Variants in RFX3 observed in about 807,000 individuals in gnomAD.
The protein encoded by RFX3 is regulatory factor X3, also known as transcription factor RFX3.
A neutral mutation model predicts 98.6 loss-of-function variants in RFX3; 14 were observed. The observed-to-expected ratio is 0.14, with a 90% CI of 0.09 to 0.22. RFX3 has a LOEUF of 0.22. RFX3 is among the 10% of genes least tolerant of loss of function. The pLI, the probability that RFX3 is intolerant of heterozygous loss-of-function variation, is 1.00. For synonymous variants in RFX3, 383 were observed against 328.4 expected (o/e 1.17, Z -1.80); for missense variants, 639 against 926.9 (o/e 0.69, Z 4.03).
intron 1 of RFX3, among the ~76,000 whole-genome samples, chr9:3,420,131 T>G (rs1843318263): frequency 6.6e-6 from 1 of 152,198 alleles, no homozygotes; most frequent in African/African-American, 2.4e-5. Context: ...CATCCTTCAG[T>G]GAGCCAGCGT....
chr9:3,500,782 G>T (rs1470375063), intron 1 of RFX3, among the ~76,000 whole-genome samples: 1 of 152,156 alleles, frequency 6.6e-6, no homozygotes, highest in Non-Finnish European at 1.5e-5. Context: ...GAGTATACTA[G>T]TCACAAGGCA....
chr9:3,484,030 C>T (rs1467248536), intron 1 of RFX3, among the ~76,000 whole-genome samples: 1 of 152,202 alleles, frequency 6.6e-6, no homozygotes, highest in East Asian at 1.9e-4. Context: ...GAATATAGGG[C>T]AGCAACTCAT....
At chr9:3,370,841 G>T (rs1165802628) in intron 2 of RFX3, among the ~76,000 whole-genome samples, 5 of 152,112 alleles carry the variant, frequency 3.3e-5, no homozygotes, top group African/African-American at 7.2e-5. Context: ...ATTGGTGCAT[G>T]TGTCTATGAT....
Position 3,219,757 on chromosome 9 carries a change from G to C in RFX3, c.*5285C>G, listed in dbSNP as rs988138461. ...GAAGAGAGTTAAATTAAAACCCTTT[G>C]AGTATTGCATGTTAACACATGAGTA... On this transcript the variant is annotated 3_prime_UTR_variant, in exon 17 of 17. Transcript: ENST00000617270. 1 of 152,146 alleles carries C rather than the reference G, an allele frequency of 6.6e-6. No homozygotes were observed. The highest frequency in any genetic ancestry group is 6.5e-5 in the Admixed American group (1 of 15,280). The allele number at this position is 152,146 out of a possible 1,614,324, so 9.4% of individuals were successfully genotyped here. A position where few individuals can be genotyped will look rare whatever the true frequency, so the allele number is the denominator to read the frequency against.
At position 3,334,938 on chromosome 9, in the gene RFX3, G is replaced by A. The variant is rs187363815; in HGVS notation, c.216-4421C>T. 3.9e-5 allele frequency among the ~76,000 whole-genome samples: 6 copies of A among 151,952 alleles called. No homozygotes were observed. The East Asian group carries it at 9.7e-4, about 25-fold the overall frequency. On this transcript the variant is annotated intron_variant, in intron 3 of 16. Transcript: ENST00000617270. ...AGTTCGAGACCAGCCTGGCAAACAC[G>A]GTGAAATTTGTCTTTACTAAAAAAA...
intron 1 of RFX3, among the ~76,000 whole-genome samples, chr9:3,415,151 ATATT>A (rs1842874551): frequency 7.2e-6 from 1 of 138,810 alleles, no homozygotes; most frequent in South Asian, 2.2e-4. Flanking sequence ...TATACTATAT[ATATT>A]CTTATATATA....
intron 1 of RFX3, among the ~76,000 whole-genome samples, chr9:3,465,517 T>G (rs1307877966): frequency 1.3e-5 from 2 of 148,756 alleles, no homozygotes; most frequent in Non-Finnish European, 3.0e-5. Flanking sequence ...TTAGCCAGCC[T>G]GGTCTTGAAC....
At chr9:3,294,952 T>G (rs1296722111) in intron 5 of RFX3, among the ~76,000 whole-genome samples, 2 of 152,112 alleles carry the variant, frequency 1.3e-5, no homozygotes, top group African/African-American at 4.8e-5. Flanking sequence ...AAAATAAACA[T>G]TTGTTTTTAC....
At chr9:3,284,747 A>G (rs909283183) in intron 7 of RFX3, among the ~76,000 whole-genome samples, 4 of 151,776 alleles carry the variant, frequency 2.6e-5, no homozygotes, top group East Asian at 1.9e-4. Context: ...ATAGTTCATG[A>G]CTGCCTGTGA....
chr9:3,397,445 C>G (rs1357713304), intron 1 of RFX3, among the ~76,000 whole-genome samples: 4 of 151,988 alleles, frequency 2.6e-5, no homozygotes, highest in Middle Eastern at 3.2e-3. Context: ...AAAATTAACC[C>G]CTCTTGGCAT....
chr9:3,387,046 C>A (rs530662583), intron 2 of RFX3, among the ~76,000 whole-genome samples: 1 of 152,280 alleles, frequency 6.6e-6, no homozygotes, highest in South Asian at 2.1e-4. Flanking sequence ...CACTTGAAAT[C>A]TTTCATGCTT....
intron 3 of RFX3, among the ~76,000 whole-genome samples, chr9:3,334,065 C>T (rs1170914731): frequency 6.6e-6 from 1 of 152,082 alleles, no homozygotes; most frequent in African/African-American, 2.4e-5. Flanking sequence ...CTGGAATCTA[C>T]ACTTAATGTA....
intron 4 of RFX3, among the ~76,000 whole-genome samples, chr9:3,321,419 T>G (rs534865140): frequency 6.6e-6 from 1 of 152,190 alleles, no homozygotes; most frequent in Non-Finnish European, 1.5e-5. Flanking sequence ...AGTACCTATT[T>G]CCTTGCACAC....
chr9:3,464,483 T>C (rs566242697), intron 1 of RFX3, among the ~76,000 whole-genome samples: 1 of 152,284 alleles, frequency 6.6e-6, no homozygotes, highest in South Asian at 2.1e-4. Context: ...CTGATACATA[T>C]ACAGCTAAAA....
chr9:3,315,477 A>T (rs565565893), intron 4 of RFX3, among the ~76,000 whole-genome samples: 1 of 152,292 alleles, frequency 6.6e-6, no homozygotes, highest in Admixed American at 6.5e-5. Context: ...GAGAAGCAAG[A>T]ACAAACACAT....
chr9:3,266,333 A>T (rs751128475), intron 11 of RFX3, 28 bp from the exon 12 acceptor site: 13 of 1,369,662 alleles, frequency 9.5e-6, no homozygotes, highest in African/African-American at 5.8e-5. Flanking sequence ...AAAGCAGGAT[A>T]AAAAAAAGTA....
chr9:3,506,489 G>C (rs1188743227), intron 1 of RFX3, among the ~76,000 whole-genome samples: 1 of 151,732 alleles, frequency 6.6e-6, no homozygotes, highest in African/African-American at 2.4e-5. Flanking sequence ...GTCCCCCAAA[G>C]CAAGGTTCCC....
intron 2 of RFX3, among the ~76,000 whole-genome samples, chr9:3,385,888 T>C (rs1265084109): frequency 6.6e-6 from 1 of 152,104 alleles, no homozygotes; most frequent in Non-Finnish European, 1.5e-5. Context: ...CCTATCACAA[T>C]GCCACACTTG....
chr9:3,395,661 A>T (rs1434986305), intron 1 of RFX3, 65 bp from the exon 2 acceptor site: 1 of 1,556,762 alleles, frequency 6.4e-7, no homozygotes. Context: ...CTTCCTTACA[A>T]TTGTTCTTAA....
Sources: allele counts gnomAD v4.1 joint callset (sites outside exome capture counted in the v4.1 genomes callset), GRCh38; gene constraint gnomAD v4.1.1; transcripts MANE v1.5; gene names NCBI Gene and HGNC (gene_info 2026-07-23, HGNC 2026-07-21).